The following SMG7 variants were observed in gnomAD, a reference collection of about 807,000 sequenced individuals.
SMG7 encodes the protein SMG7 nonsense mediated mRNA decay factor.
In SMG7, 34 loss-of-function variants were observed where a neutral mutation model predicts 148.2. That is an observed-to-expected ratio of 0.23 (90% confidence interval 0.17 to 0.31). SMG7 has a LOEUF of 0.31. Ranked by LOEUF, SMG7 falls within the 10% of genes least tolerant of loss-of-function variation. The pLI, the probability that SMG7 is intolerant of heterozygous loss-of-function variation, is 1.00. For missense variants in SMG7, 1,114 were observed against 1,408.4 expected (o/e 0.79, Z 3.35); for synonymous variants, 492 against 515.1 (o/e 0.96, Z 0.61).
chr1:183,541,247 A>C, intron 13 of SMG7, 144 bp downstream of exon 13: 2 of 698,616 alleles, frequency 2.9e-6, no homozygotes, highest in Non-Finnish European at 4.9e-6. Context: ...GAACTCTTAA[A>C]TCGACATGTT....
chr1:183,533,928 C>A lies in SMG7; in HGVS notation c.1163+96C>A, dbSNP rs78564585. The A allele has an allele frequency of 3.5e-4, 341 of 969,210 alleles. 1 individual carries two copies. In the East Asian group the frequency reaches 6.5e-3, roughly 18 times the overall value. 60.0% of individuals were successfully genotyped at this position (969,210 alleles called of 1,614,324 possible). On this transcript the variant is annotated intron_variant, in intron 10 of 22. Coordinates refer to ENST00000688051, the MANE Select transcript of SMG7 (RefSeq NM_001375584.1). Reference sequence around the variant, plus strand: ...TGCCTTCTAAAATACAACATTTGAACAATAGAATACTGTATTTTCTGCCGA... The same window carrying A: ...TGCCTTCTAAAATACAACATTTGAAAAATAGAATACTGTATTTTCTGCCGA...
At chr1:183,542,954 T>C (rs1378138096) in intron 14 of SMG7, among the ~76,000 whole-genome samples, 4 of 151,352 alleles carry the variant, frequency 2.6e-5, no homozygotes, top group Non-Finnish European at 4.4e-5. Flanking sequence ...TGTGTGTGTG[T>C]GTGTGTGTGT....
At chr1:183,528,492 G>A (rs12144253) in intron 6 of SMG7, among the ~76,000 whole-genome samples, 13,096 of 152,064 alleles carry the variant, frequency 0.086, 656 homozygotes, top group East Asian at 0.24. Flanking sequence ...TTACTAAGAC[G>A]TTGAAATTCC....
At chr1:183,481,784 A>G (rs1051427144) in intron 1 of SMG7, among the ~76,000 whole-genome samples, 1 of 152,154 alleles carries the variant, frequency 6.6e-6, no homozygotes, top group African/African-American at 2.4e-5. Flanking sequence ...TAGGAGGTTT[A>G]GGGAAAGCTT....
intron 5 of SMG7, 77 bp downstream of exon 5, chr1:183,526,844 C>CT: frequency 3.2e-6 from 4 of 1,245,958 alleles, no homozygotes; most frequent in Non-Finnish European, 4.5e-6. Flanking sequence ...AACTGTTTTC[C>CT]TTTAAGCGGA....
At chr1:183,504,324 GATTT>G (rs374218162) in intron 1 of SMG7, among the ~76,000 whole-genome samples, 8 of 150,746 alleles carry the variant, frequency 5.3e-5, no homozygotes, top group South Asian at 4.2e-4. Flanking sequence ...TTGATATCTT[GATTT>G]ATTTATTTAT....
At chr1:183,482,309 T>G (rs1458951137) in intron 1 of SMG7, among the ~76,000 whole-genome samples, 2 of 152,100 alleles carry the variant, frequency 1.3e-5, no homozygotes, top group Non-Finnish European at 2.9e-5. Context: ...TGGTGTGTGT[T>G]ATGCACATTC....
At chr1:183,521,615 C>T (rs1036816487) in intron 4 of SMG7, among the ~76,000 whole-genome samples, 4 of 152,078 alleles carry the variant, frequency 2.6e-5, no homozygotes, top group Admixed American at 1.3e-4. Context: ...CATGGTGGCT[C>T]ATTCCTGTAA....
chr1:183,520,914 A>G (rs1664618158), intron 4 of SMG7, among the ~76,000 whole-genome samples: 1 of 152,106 alleles, frequency 6.6e-6, no homozygotes, highest in South Asian at 2.1e-4. Context: ...ACTCTCTGAA[A>G]TTTTTTTAAA....
intron 1 of SMG7, among the ~76,000 whole-genome samples, chr1:183,490,837 G>A (rs886672708): frequency 6.6e-6 from 1 of 152,180 alleles, no homozygotes; most frequent in Non-Finnish European, 1.5e-5. Flanking sequence ...CCAGGTTGGA[G>A]TGCAGTGGCA....
At chr1:183,528,388 T>G (rs577628272) in intron 6 of SMG7, among the ~76,000 whole-genome samples, 12 of 152,152 alleles carry the variant, frequency 7.9e-5, no homozygotes, top group Non-Finnish European at 1.5e-4. Context: ...ATCTATTACC[T>G]AAAAGATAAT....
At chr1:183,499,708 T>A (rs981915630) in intron 1 of SMG7, among the ~76,000 whole-genome samples, 1 of 152,228 alleles carries the variant, frequency 6.6e-6, no homozygotes, top group Non-Finnish European at 1.5e-5. Flanking sequence ...TTTCTCCATA[T>A]TAACTCCTTG....
chr1:183,534,792 A>G (rs1244101965), intron 10 of SMG7, among the ~76,000 whole-genome samples: 3 of 152,046 alleles, frequency 2.0e-5, no homozygotes, highest in Admixed American at 1.3e-4. Flanking sequence ...GCTTGAACCC[A>G]GGAAGCAGAG....
chr1:183,527,642 CCTT>C lies in SMG7; in HGVS notation c.485-310_485-308del, dbSNP rs1435196492. 2.0e-6 allele frequency: 1 copy of C among 494,270 alleles called. No individual in the cohort carries two copies. Among genetic ancestry groups the C allele is most frequent in the African/African-American group, 2.0e-5 (1 of 50,984 alleles). 30.6% of individuals were successfully genotyped at this position (494,270 alleles called of 1,614,324 possible). A position where few individuals can be genotyped will look rare whatever the true frequency, so the allele number is the denominator to read the frequency against. Reference sequence around the variant, plus strand: ...GTTTTTAAGTGCCATATAACTCACCCCTTCTTGTGGGCCGGCTCCAGGTCACCA... The same window carrying C: ...GTTTTTAAGTGCCATATAACTCACCCCTTGTGGGCCGGCTCCAGGTCACCA... On this transcript the variant is annotated intron_variant, in intron 5 of 22. Transcript: ENST00000688051. This position sits in a 1 kb window ranked among gnomAD's most constrained non-coding sequence, Gnocchi z 4.0.
At chr1:183,491,495 GTATAGAATGTTACATACATGCACATATA>G (rs1350485733) in intron 1 of SMG7, among the ~76,000 whole-genome samples, 3 of 152,050 alleles carry the variant, frequency 2.0e-5, no homozygotes, top group Admixed American at 2.0e-4. Flanking sequence ...GCATGTGCAT[GTATAGAATGTTACATACATGCACATATA>G]TATACACTCG....
At chr1:183,506,276 T>A (rs1179073466) in intron 1 of SMG7, among the ~76,000 whole-genome samples, 1 of 152,180 alleles carries the variant, frequency 6.6e-6, no homozygotes, top group Non-Finnish European at 1.5e-5. Context: ...GTTGGGAGAT[T>A]TGAAAATCCT....
At chr1:183,489,833 C>T (rs1656481782) in intron 1 of SMG7, among the ~76,000 whole-genome samples, 2 of 152,156 alleles carry the variant, frequency 1.3e-5, no homozygotes, top group South Asian at 4.1e-4. Context: ...CAAGAAGTGA[C>T]CTATCGAAAA....
Position 183,525,957 on chromosome 1 carries a change from T to C in SMG7, c.313-639T>C, listed in dbSNP as rs932601563. On this transcript the variant is annotated intron_variant, in intron 4 of 22. Coordinates refer to ENST00000688051, the MANE Select transcript of SMG7 (RefSeq NM_001375584.1). ...TTAATAATTTTTGGGTTTCTGAGAG[T>C]AGTAGCTTTCTTTGCTTGCTTAATG... Among the ~76,000 whole-genome samples, 6 of 151,974 alleles carry C rather than the reference T, an allele frequency of 3.9e-5. No homozygotes were observed. In the South Asian group the frequency reaches 1.2e-3, roughly 31 times the overall value.
chr1:183,540,092 T>C (rs1668536168), intron 12 of SMG7, among the ~76,000 whole-genome samples: 1 of 152,202 alleles, frequency 6.6e-6, no homozygotes, highest in South Asian at 2.1e-4. Flanking sequence ...TGTGCTATAC[T>C]TGAATAGCTC....
Sources: allele counts gnomAD v4.1 joint callset (sites outside exome capture counted in the v4.1 genomes callset), GRCh38; gene constraint gnomAD v4.1.1; non-coding constraint Gnocchi (gnomAD v3.1); transcripts MANE v1.5; gene names NCBI Gene and HGNC (gene_info 2026-07-23, HGNC 2026-07-21).